KDM5B: variants seen among roughly 807,000 people sequenced by gnomAD.
The protein encoded by KDM5B is lysine demethylase 5B.
A neutral mutation model predicts 193.4 loss-of-function variants in KDM5B; 144 were observed. The ratio of observed to expected loss-of-function variants is 0.74; its 90% CI spans 0.65 to 0.86. The LOEUF is 0.86. Ranked by LOEUF, KDM5B falls within the 40% of genes least tolerant of loss-of-function variation. The pLI, the probability that KDM5B is intolerant of heterozygous loss-of-function variation, is 0.00. For synonymous variants in KDM5B, 668 were observed against 682.6 expected (o/e 0.98, Z 0.33); for missense variants, 1,833 against 1,886.9 (o/e 0.97, Z 0.53).
chr1:202,734,021 G>A (rs1655000668), intron 22 of KDM5B, 135 bp from the exon 23 acceptor site: 1 of 1,098,056 alleles, frequency 9.1e-7, no homozygotes, highest in Non-Finnish European at 1.3e-6. Context: ...CTCATACTAA[G>A]CTGTGAGTGA....
At chr1:202,758,540 G>T in intron 8 of KDM5B, 30 bp from the exon 9 acceptor site, 2 of 1,560,618 alleles carry the variant, frequency 1.3e-6, no homozygotes, top group South Asian at 2.4e-5. Flanking sequence ...CGTTCTAGGT[G>T]ACACTGAAAA....
intron 2 of KDM5B, 97 bp from the exon 3 acceptor site, chr1:202,774,832 A>G (rs1422327411): frequency 5.1e-6 from 6 of 1,186,052 alleles, no homozygotes; most frequent in East Asian, 2.6e-5. Context: ...TAAGTACAAT[A>G]CCACTTAAAA....
At chr1:202,761,399 G>A (rs1165525337) in intron 7 of KDM5B, among the ~76,000 whole-genome samples, 1 of 152,138 alleles carries the variant, frequency 6.6e-6, no homozygotes, top group Non-Finnish European at 1.5e-5. Context: ...AGCTATGATT[G>A]TGTCACTATA....
In KDM5B at chr1:202,740,737, A is replaced by G. The variant is rs1558484569; in HGVS notation, c.3021T>C (p.Gly1007=). 1.9e-6 allele frequency: 3 copies of G among 1,612,820 alleles called. No individual in the cohort carries two copies. Among genetic ancestry groups the G allele is most frequent in the Non-Finnish European group, 2.5e-6 (3 of 1,179,946 alleles). The part of the protein sequence containing the change: ...IEEIPAYLPN[G]AALKDSVQRA... ...TCTGCACTGAGTCTTTCAGAGCCGC[A>G]CCATTGGGCAGATATGCAGGGATCT... Residue 1007 remains glycine, a synonymous_variant, in exon 20 of 27, where the codon GGT becomes GGC. Coordinates refer to ENST00000367265, the MANE Select transcript of KDM5B (RefSeq NM_006618.5).
At chr1:202,733,966 A>G (rs1558480292) in intron 22 of KDM5B, 80 bp from the exon 23 acceptor site, 1 of 1,490,404 alleles carries the variant, frequency 6.7e-7, no homozygotes, top group East Asian at 2.3e-5. Context: ...AGTGGTTAAG[A>G]GCATGGGATC....
intron 1 of KDM5B, among the ~76,000 whole-genome samples, chr1:202,781,953 G>A (rs1433347045): frequency 1.4e-4 from 22 of 152,016 alleles, no homozygotes; most frequent in Non-Finnish European, 1.5e-5. Context: ...GTTCTCAAAA[G>A]CCTGTATATT....
chr1:202,749,969 C>T (rs1013250075), intron 13 of KDM5B, among the ~76,000 whole-genome samples: 1 of 152,156 alleles, frequency 6.6e-6, no homozygotes, highest in Non-Finnish European at 1.5e-5. Context: ...ACTAATGAAA[C>T]CAAATGTGTC....
rs762888888 is a variant in KDM5B, at chr1:202,735,603, GC to G, written c.3265-17del. The stretch of plus-strand genomic sequence containing the variant: ...GACACAGCACCTAATGTGGGACAAG[GC>G]ACAACCAATGGTAAAATAAATTTCA... On this transcript the variant is annotated splice_polypyrimidine_tract_variant and intron_variant, in intron 21 of 26. Transcript: ENST00000367265. 16 of 1,608,916 alleles carry G rather than the reference GC, an allele frequency of 9.9e-6. No homozygotes were observed. Among genetic ancestry groups the G allele is most frequent in the Admixed American group, 5.0e-5 (3 of 59,582 alleles).
chr1:202,807,665 C>A (rs1185754503), intron 1 of KDM5B, among the ~76,000 whole-genome samples: 1 of 121,718 alleles, frequency 8.2e-6, no homozygotes, highest in African/African-American at 3.0e-5. Context: ...CCCACCCCAT[C>A]ACACACCCCC....
intron 1 of KDM5B, among the ~76,000 whole-genome samples, chr1:202,782,396 C>T (rs756360505): frequency 1.3e-5 from 2 of 152,116 alleles, no homozygotes; most frequent in African/African-American, 2.4e-5. Flanking sequence ...GATGAGGTCT[C>T]GCTATGTTGC....
intron 4 of KDM5B, among the ~76,000 whole-genome samples, chr1:202,771,475 G>T (rs533055202): frequency 1.3e-5 from 2 of 150,940 alleles, no homozygotes; most frequent in African/African-American, 4.9e-5. Flanking sequence ...TCCTGACCTC[G>T]AACTCCTGAC....
rs1654621224 is a variant in KDM5B, at chr1:202,724,798, G to C, written c.*4238C>G. 6.6e-6 allele frequency: 1 copy of C among 152,114 alleles called. No individual in the cohort carries two copies. Among genetic ancestry groups the C allele is most frequent in the African/African-American group, 2.4e-5 (1 of 41,416 alleles). 9.4% of individuals were successfully genotyped at this position (152,114 alleles called of 1,614,324 possible). A position where few individuals can be genotyped will look rare whatever the true frequency, so the allele number is the denominator to read the frequency against. ...AATCACAGTCAGTGAGAACGTATTG[G>C]CAAGGGCAGAAAGGAAGCATGGTTT... On this transcript the variant is annotated 3_prime_UTR_variant, in exon 27 of 27. Coordinates refer to ENST00000367265, the MANE Select transcript of KDM5B (RefSeq NM_006618.5).
At chr1:202,790,633 T>C (rs932750765) in intron 1 of KDM5B, among the ~76,000 whole-genome samples, 15 of 152,020 alleles carry the variant, frequency 9.9e-5, no homozygotes, top group Admixed American at 7.9e-4. Flanking sequence ...GGCAGGAGAA[T>C]TGCTTGAACC....
At chr1:202,737,290 G>A (rs1655132412) in intron 20 of KDM5B, among the ~76,000 whole-genome samples, 1 of 152,206 alleles carries the variant, frequency 6.6e-6, no homozygotes, top group Non-Finnish European at 1.5e-5. Context: ...TTTAAACACA[G>A]TTTCCTTAGT....
intron 1 of KDM5B, among the ~76,000 whole-genome samples, chr1:202,800,254 G>A (rs569410429): frequency 6.6e-6 from 1 of 152,192 alleles, no homozygotes; most frequent in East Asian, 1.9e-4. Context: ...ATGTTGGCCA[G>A]GATGGTCTCA....
chr1:202,762,919 C>T (rs944444608), intron 6 of KDM5B, 111 bp from the exon 7 acceptor site: 54 of 683,846 alleles, frequency 7.9e-5, no homozygotes, highest in Non-Finnish European at 1.0e-4. Context: ...TGTGTTTTCA[C>T]ATTTTAGTAG....
At position 202,729,917 on chromosome 1, in the gene KDM5B, T is replaced by A. The variant is rs1232409571; in HGVS notation, c.4287A>T (p.Lys1429Asn). The change falls in exon 26 of 27, where the codon AAA (lysine) becomes AAT (asparagine). Residue 1429 changes from lysine to asparagine, a missense_variant. Transcript: ENST00000367265. The part of the protein sequence containing the change: ...LSSERWERVK[K>N]MRTPKKKKIK... ...TTTTCTTCTTTTTGGGGGTCCGCAT[T>A]TTCTTAACTCGTTCCCACCGCTCAC... 1.2e-6 allele frequency: 2 copies of A among 1,614,162 alleles called. No homozygotes were observed. The highest frequency in any genetic ancestry group is 3.3e-5 in the Admixed American group (2 of 60,020).
At chr1:202,796,965 C>T (rs898503658) in intron 1 of KDM5B, 1 of 152,354 alleles carries the variant, frequency 6.6e-6, no homozygotes, top group Non-Finnish European at 1.5e-5. Context: ...CCAAGTCGGG[C>T]ATCAGAGGGC....
In KDM5B at chr1:202,808,417, T is replaced by C. The variant is rs1658408413; in HGVS notation, c.-112A>G. The C allele has an allele frequency of 2.0e-6, 2 of 977,710 alleles. No homozygotes were observed. Among genetic ancestry groups the C allele is most frequent in the African/African-American group, 1.6e-5 (1 of 61,138 alleles). 60.6% of individuals were successfully genotyped at this position (977,710 alleles called of 1,614,324 possible). A position where few individuals can be genotyped will look rare whatever the true frequency, so the allele number is the denominator to read the frequency against. ...GGCTCGAGCAACAGCAAGTCCGAGT[T>C]GTACGGGCAACGGCAGCACCTTGGG... On this transcript the variant is annotated 5_prime_UTR_variant, in exon 1 of 27. Coordinates refer to ENST00000367265, the MANE Select transcript of KDM5B (RefSeq NM_006618.5).
Sources: gnomAD v4.1 joint callset for allele counts (sites outside exome capture counted in the v4.1 genomes callset) on GRCh38, gnomAD v4.1.1 for gene constraint, MANE v1.5 for transcripts, NCBI Gene and HGNC (gene_info 2026-07-23, HGNC 2026-07-21) for gene names.